RPRD1A: variants seen among roughly 807,000 people sequenced by gnomAD.
RPRD1A encodes regulation of nuclear pre-mRNA domain-containing protein 1A.
A neutral mutation model predicts 37.8 loss-of-function variants in RPRD1A; 9 were observed. The ratio of observed to expected loss-of-function variants is 0.24; its 90% CI spans 0.14 to 0.42. The LOEUF is 0.42. Among genes scored for constraint, RPRD1A ranks in the 10% least tolerant of loss-of-function variants. The pLI, the probability that RPRD1A is intolerant of heterozygous loss-of-function variation, is 1.00. For synonymous variants in RPRD1A, 138 were observed against 139.7 expected (o/e 0.99, Z 0.08); for missense variants, 255 against 371.0 (o/e 0.69, Z 2.57).
At chr18:35,996,977 CAAAAAAAAAAAAAA>C (rs200694089) in intron 6 of RPRD1A, among the ~76,000 whole-genome samples, 35 of 55,618 alleles carry the variant, frequency 6.3e-4, no homozygotes, top group South Asian at 1.5e-3. Context: ...GACCCTGTCT[CAAAAAAAAAAAAAA>C]AAAAAAAAAA....
At chr18:36,000,166 G>A (rs961267174) in intron 6 of RPRD1A, among the ~76,000 whole-genome samples, 1 of 152,176 alleles carries the variant, frequency 6.6e-6, no homozygotes, top group African/African-American at 2.4e-5. Flanking sequence ...AGGAAATAAA[G>A]ATCTCAGTGG....
intron 1 of RPRD1A, among the ~76,000 whole-genome samples, chr18:36,041,673 A>G (rs1334933283): frequency 1.3e-5 from 2 of 152,218 alleles, no homozygotes; most frequent in African/African-American, 4.8e-5. Context: ...TAACAACTTC[A>G]AGACTTTTCC....
intron 6 of RPRD1A, among the ~76,000 whole-genome samples, chr18:36,021,074 T>A (rs114440227): frequency 0.012 from 1,778 of 152,302 alleles, 43 homozygotes; most frequent in African/African-American, 0.04. Flanking sequence ...TAAAATATTT[T>A]AGGACAATAT....
intron 1 of RPRD1A, among the ~76,000 whole-genome samples, chr18:36,056,527 A>T (rs1913781172): frequency 6.6e-6 from 1 of 152,146 alleles, no homozygotes. Flanking sequence ...ACCTCAAGTG[A>T]TCTGCCCACT....
At chr18:36,059,442 T>A (rs1468640088) in intron 1 of RPRD1A, among the ~76,000 whole-genome samples, 1 of 152,148 alleles carries the variant, frequency 6.6e-6, no homozygotes, top group Non-Finnish European at 1.5e-5. Flanking sequence ...CTGGCCTTAA[T>A]TAAAAATTTT....
Position 36,067,428 on chromosome 18 carries a change from G to A in RPRD1A, c.-24C>T, listed in dbSNP as rs1409920319. 3.8e-6 allele frequency: 6 copies of A among 1,596,248 alleles called. No homozygotes were observed. The Middle Eastern group carries it at 6.6e-4, about 176-fold the overall frequency. ...ATCCCTCCGACACCACGTTCACGCC[G>A]TCCCACGCGGTGGGGCCGAGGGGAG... On this transcript the variant is annotated 5_prime_UTR_variant, in exon 1 of 7. The change creates a new upstream start codon in the 5' untranslated region. Transcript: ENST00000399022.
chr18:36,041,986 A>T (rs1035376679), intron 1 of RPRD1A, among the ~76,000 whole-genome samples: 2 of 152,244 alleles, frequency 1.3e-5, no homozygotes, highest in African/African-American at 4.8e-5. Context: ...CAAATTACAC[A>T]GTAGGGATGG....
At chr18:36,052,470 T>C (rs1447116396) in intron 1 of RPRD1A, among the ~76,000 whole-genome samples, 1 of 152,194 alleles carries the variant, frequency 6.6e-6, no homozygotes, top group Non-Finnish European at 1.5e-5. Context: ...AAAAATCAAA[T>C]GCATAAAACA....
At chr18:36,048,124 T>C (rs1399367537) in intron 1 of RPRD1A, among the ~76,000 whole-genome samples, 1 of 143,922 alleles carries the variant, frequency 6.9e-6, no homozygotes, top group African/African-American at 2.6e-5. Context: ...TGGAGTGCAA[T>C]GGCGCCACCT....
chr18:36,028,102 C>T (rs901194488), intron 4 of RPRD1A: 1 of 151,582 alleles, frequency 6.6e-6, no homozygotes, highest in African/African-American at 2.4e-5. Context: ...TACTAGTTTC[C>T]ATTCTCCAGC....
At chr18:36,046,520 G>A (rs1335081556) in intron 1 of RPRD1A, among the ~76,000 whole-genome samples, 2 of 151,966 alleles carry the variant, frequency 1.3e-5, no homozygotes, top group African/African-American at 2.4e-5. Flanking sequence ...GAGAAACCCA[G>A]TTAAGATTAA....
chr18:36,063,929 T>A (rs755183817), intron 1 of RPRD1A: 1 of 152,256 alleles, frequency 6.6e-6, no homozygotes, highest in Admixed American at 6.5e-5. Flanking sequence ...TCCTAAAGCA[T>A]CTTTTTATAT....
intron 6 of RPRD1A, among the ~76,000 whole-genome samples, chr18:36,006,805 T>C (rs1449576596): frequency 2.0e-5 from 3 of 151,986 alleles, no homozygotes; most frequent in African/African-American, 7.3e-5. Flanking sequence ...AACCTAACAA[T>C]CCTAGAACCT....
At chr18:35,995,071 G>C (rs1377987440) in intron 6 of RPRD1A, among the ~76,000 whole-genome samples, 1 of 152,006 alleles carries the variant, frequency 6.6e-6, no homozygotes, top group Non-Finnish European at 1.5e-5. Flanking sequence ...ATGTTGAAAA[G>C]GATCATGAAA....
At chr18:35,993,837 C>T (rs1908857034) in intron 6 of RPRD1A, among the ~76,000 whole-genome samples, 1 of 152,122 alleles carries the variant, frequency 6.6e-6, no homozygotes, top group African/African-American at 2.4e-5. Flanking sequence ...TCATCCTACC[C>T]CAACTACCTG....
intron 1 of RPRD1A, among the ~76,000 whole-genome samples, chr18:36,052,520 G>A (rs1039807957): frequency 2.6e-5 from 4 of 152,090 alleles, no homozygotes; most frequent in African/African-American, 9.7e-5. Context: ...GATGTACTTT[G>A]TGATAACATA....
At chr18:36,057,341 CTCATGCCTGTAA>C (rs1378485373) in intron 1 of RPRD1A, among the ~76,000 whole-genome samples, 2 of 152,076 alleles carry the variant, frequency 1.3e-5, no homozygotes, top group Non-Finnish European at 2.9e-5. Context: ...GGCTCCATGG[CTCATGCCTGTAA>C]TCCCAGCACT....
At chr18:36,046,655 A>C (rs964231181) in intron 1 of RPRD1A, among the ~76,000 whole-genome samples, 2 of 151,728 alleles carry the variant, frequency 1.3e-5, no homozygotes, top group Non-Finnish European at 2.9e-5. Flanking sequence ...AACATGGTGA[A>C]ACCCCGTCTT....
chr18:36,018,956 T>C (rs1910795340), intron 6 of RPRD1A, among the ~76,000 whole-genome samples: 1 of 152,124 alleles, frequency 6.6e-6, no homozygotes. Context: ...AGTCCCTCTC[T>C]GTTAACAATC....
Sources: gnomAD v4.1 joint callset for allele counts (sites outside exome capture counted in the v4.1 genomes callset) on GRCh38, gnomAD v4.1.1 for gene constraint, MANE v1.5 for transcripts, NCBI Gene and HGNC (gene_info 2026-07-23, HGNC 2026-07-21) for gene names.